Variants in MAPK10 observed in about 807,000 individuals in gnomAD.
MAPK10 encodes the protein mitogen-activated protein kinase 10.
Under a neutral mutation model 59.3 loss-of-function variants are expected in MAPK10, and 25 were observed. That is an observed-to-expected ratio of 0.42 (90% CI 0.31 to 0.59). The LOEUF is 0.59. Among genes scored for constraint, MAPK10 ranks in the 20% least tolerant of loss-of-function variants. The pLI is 0.15. For synonymous variants in MAPK10, 190 were observed against 200.5 expected, an observed-to-expected ratio of 0.95 and a Z score of 0.44; for missense variants, 351 against 568.9, an observed-to-expected ratio of 0.62 and a Z score of 3.90.
At chr4:86,386,002 A>G (rs1741402464) in intron 1 of MAPK10, among the ~76,000 whole-genome samples, 1 of 152,220 alleles carries the variant, frequency 6.6e-6, no homozygotes, top group Non-Finnish European at 1.5e-5. Context: ...AATTATTTAA[A>G]AGACATGCAA....
At chr4:86,286,434 A>G (rs1365562083) in intron 2 of MAPK10, among the ~76,000 whole-genome samples, 1 of 152,198 alleles carries the variant, frequency 6.6e-6, no homozygotes, top group Non-Finnish European at 1.5e-5. Flanking sequence ...AATAATAATT[A>G]CAAATAACAT....
rs1288722959 is a variant in MAPK10 at position 86,107,213 on chromosome 4, CA to C, written c.366+9del. The C allele has an allele frequency of 3.1e-6, 5 of 1,604,810 alleles. No individual in the cohort carries two copies. In the South Asian group the frequency reaches 5.6e-5, roughly 18 times the overall value. On this transcript the variant is annotated intron_variant, in intron 5 of 13. Coordinates refer to ENST00000641462, the MANE Select transcript of MAPK10 (RefSeq NM_138982.4). ...CCCACTGCCAGAAGTTTAAAAATAA[CA>C]AAACTCACGTTTTTATGGTTCACAC...
chr4:86,064,168 A>T (rs2046277048), intron 11 of MAPK10, 98 bp downstream of exon 11: 2 of 1,434,554 alleles, frequency 1.4e-6, no homozygotes, highest in African/African-American at 2.9e-5. Context: ...ATTTTATAAA[A>T]ATCCATTGTG....
intron 5 of MAPK10, among the ~76,000 whole-genome samples, chr4:86,105,186 A>T (rs73837404): frequency 0.05 from 7,556 of 152,248 alleles, 629 homozygotes; most frequent in African/African-American, 0.17. Flanking sequence ...CTTCACTATT[A>T]TTAAAGATTT....
intron 2 of MAPK10, among the ~76,000 whole-genome samples, chr4:86,209,165 C>A (rs2085068409): frequency 2.0e-5 from 3 of 152,008 alleles, no homozygotes; most frequent in Admixed American, 1.3e-4. Context: ...ACAAAATTAA[C>A]AACCTACCAT....
Position 86,011,946 on chromosome 4 carries a change from T to C in MAPK10, c.*5282A>G, listed in dbSNP as rs1389325235. 6.6e-6 allele frequency: 1 copy of C among 152,218 alleles called. No homozygotes were observed. The highest frequency in any genetic ancestry group is 1.5e-5 in the Non-Finnish European group (1 of 68,038). 9.4% of individuals were successfully genotyped at this position (152,218 alleles called of 1,614,324 possible). The stretch of plus-strand genomic sequence containing the variant: ...CTCTTCATCCAGCCACAAAATCATA[T>C]ATATTTTTAATTCTCCAAGGAGTTT... On this transcript the variant is annotated 3_prime_UTR_variant, in exon 14 of 14. Coordinates refer to ENST00000641462, the MANE Select transcript of MAPK10 (RefSeq NM_138982.4).
At chr4:86,518,918 T>A (rs971005866) in intron 1 of MAPK10, among the ~76,000 whole-genome samples, 7 of 152,198 alleles carry the variant, frequency 4.6e-5, no homozygotes, top group African/African-American at 7.2e-5. Flanking sequence ...TGTATTTGTA[T>A]AGTTTTGAGG....
At chr4:86,369,262 T>C (rs1738387618) in intron 1 of MAPK10, among the ~76,000 whole-genome samples, 1 of 152,212 alleles carries the variant, frequency 6.6e-6, no homozygotes, top group Non-Finnish European at 1.5e-5. Context: ...AAACATTGTG[T>C]AATTAAATTA....
intron 1 of MAPK10, among the ~76,000 whole-genome samples, chr4:86,531,118 A>T (rs1757819809): frequency 6.6e-6 from 1 of 152,184 alleles, no homozygotes; most frequent in African/African-American, 2.4e-5. Flanking sequence ...TGTCAACATG[A>T]CCAGACCATT....
chr4:86,313,222 T>G (rs2095707658), intron 2 of MAPK10, among the ~76,000 whole-genome samples: 1 of 152,094 alleles, frequency 6.6e-6, no homozygotes. Flanking sequence ...ATATAAACTC[T>G]AATCTTTCCT....
intron 1 of MAPK10, among the ~76,000 whole-genome samples, chr4:86,547,327 C>T (rs1246750194): frequency 3.9e-5 from 6 of 152,186 alleles, no homozygotes; most frequent in Non-Finnish European, 5.9e-5. Flanking sequence ...GAGGGAGAGG[C>T]GCTGGGGGGA....
intron 2 of MAPK10, among the ~76,000 whole-genome samples, chr4:86,228,563 C>T (rs1277673122): frequency 6.6e-6 from 1 of 152,212 alleles, no homozygotes; most frequent in Non-Finnish European, 1.5e-5. Context: ...ATCACTCTTG[C>T]TAGACCTAGA....
chr4:86,350,643 C>T (rs894782455), intron 2 of MAPK10, among the ~76,000 whole-genome samples: 4 of 152,298 alleles, frequency 2.6e-5, no homozygotes, highest in Admixed American at 2.6e-4. Flanking sequence ...GAGCCACCCA[C>T]CTGGCCAGAA....
At chr4:86,523,120 A>C (rs1757240756) in intron 1 of MAPK10, among the ~76,000 whole-genome samples, 1 of 152,210 alleles carries the variant, frequency 6.6e-6, no homozygotes, top group East Asian at 1.9e-4. Context: ...TTATATTGAT[A>C]TTATTAATAC....
At chr4:86,507,132 A>G (rs1755801849) in intron 1 of MAPK10, among the ~76,000 whole-genome samples, 1 of 152,174 alleles carries the variant, frequency 6.6e-6, no homozygotes, top group Non-Finnish European at 1.5e-5. Context: ...AATATAAAAA[A>G]GAATTACTAC....
chr4:86,386,582 G>GT (rs146855754), intron 1 of MAPK10, among the ~76,000 whole-genome samples: 10,672 of 150,058 alleles, frequency 0.071, 450 homozygotes, highest in Non-Finnish European at 0.1. Context: ...GCTTTTCAGA[G>GT]TTTTTTTTTT....
intron 2 of MAPK10, among the ~76,000 whole-genome samples, chr4:86,202,267 G>A (rs542524279): frequency 6.6e-6 from 1 of 151,942 alleles, no homozygotes; most frequent in South Asian, 2.1e-4. Context: ...ACATTAAACA[G>A]GGAAGTCTTC....
At chr4:86,139,535 A>C (rs1270614358) in intron 4 of MAPK10, among the ~76,000 whole-genome samples, 1 of 152,128 alleles carries the variant, frequency 6.6e-6, no homozygotes, top group East Asian at 1.9e-4. Flanking sequence ...AGTCAATTCA[A>C]GATGGATTAA....
At chr4:86,242,283 T>C (rs1443847335) in intron 2 of MAPK10, among the ~76,000 whole-genome samples, 1 of 152,076 alleles carries the variant, frequency 6.6e-6, no homozygotes, top group Non-Finnish European at 1.5e-5. Context: ...GTAGAATTGC[T>C]CCCATATAGA....
Sources: gnomAD v4.1 joint callset for allele counts (sites outside exome capture counted in the v4.1 genomes callset) on GRCh38, gnomAD v4.1.1 for gene constraint, MANE v1.5 for transcripts, NCBI Gene and HGNC (gene_info 2026-07-23, HGNC 2026-07-21) for gene names.